ANKRD1: variants seen among roughly 807,000 people sequenced by gnomAD.
The protein encoded by ANKRD1 is ankyrin repeat domain 1.
A neutral mutation model predicts 40.1 loss-of-function variants in ANKRD1; 32 were observed. The ratio of observed to expected loss-of-function variants is 0.80; its 90% CI spans 0.60 to 1.07. The LOEUF (loss-of-function observed/expected upper bound fraction) is 1.07, where lower values mean the gene tolerates loss of function less well. Ranked by LOEUF, ANKRD1 falls within the 50% of genes least tolerant of loss-of-function variation. ANKRD1 has a pLI of 0.00. For synonymous variants in ANKRD1, 149 were observed against 141.2 expected (o/e 1.06, Z -0.39); for missense variants, 359 against 386.0 (o/e 0.93, Z 0.59).
intron 2 of ANKRD1, among the ~76,000 whole-genome samples, chr10:90,919,819 G>A (rs1847415424): frequency 6.6e-6 from 1 of 152,192 alleles, no homozygotes; most frequent in African/African-American, 2.4e-5. Flanking sequence ...ATAGCAGACA[G>A]TTAAACAATG....
At chr10:90,918,068 A>G (rs1847391797) in intron 4 of ANKRD1, among the ~76,000 whole-genome samples, 1 of 152,228 alleles carries the variant, frequency 6.6e-6, no homozygotes, top group Non-Finnish European at 1.5e-5. Flanking sequence ...TACGTTGAGG[A>G]GTGTGAACTT....
In ANKRD1 at chr10:90,920,122, A is replaced by G. The variant is rs1054183083; in HGVS notation, c.207+47T>C. The G allele has an allele frequency of 8.1e-6, 13 of 1,609,574 alleles. No individual in the cohort carries two copies. The East Asian group carries it at 2.5e-4, about 30-fold the overall frequency. On this transcript the variant is annotated intron_variant, in intron 2 of 8. Coordinates refer to ENST00000371697, the MANE Select transcript of ANKRD1 (RefSeq NM_014391.3). ...TCCTTCCCTGACATTTCCATTCCCT[A>G]CCCCAGCCCCAACATCCTACTAGTG... is the stretch of plus-strand genomic sequence containing the variant.
At position 90,912,942 on chromosome 10, in the gene ANKRD1, C is replaced by T; in HGVS notation, c.884G>A (p.Trp295Ter). The T allele has an allele frequency of 6.2e-7, 1 of 1,614,026 alleles. No homozygotes were observed. Among genetic ancestry groups the T allele is most frequent in the Non-Finnish European group, 8.5e-7 (1 of 1,179,936 alleles). ...GKTPMDLVLH[W>*]QNGTKAIFDS... ...GAATATTGCTTTGGTTCCATTCTGC[C>T]AGTGTAGCACCAGATCCATCGGCGT... Residue 295 changes from tryptophan (W) to a stop codon, truncating the protein, a stop_gained, in exon 9 of 9, where the codon TGG becomes TAG. Transcript: ENST00000371697. LOFTEE classifies it high-confidence loss of function.
chr10:90,919,008 A>AG (rs1564574683), intron 3 of ANKRD1, 36 bp from the exon 4 acceptor site: 6 of 1,399,142 alleles, frequency 4.3e-6, no homozygotes, highest in Non-Finnish European at 5.8e-6. Context: ...ATATATATAT[A>AG]TATATATAGC....
chr10:90,920,956 A>G, intron 1 of ANKRD1, 45 bp downstream of exon 1: 1 of 1,586,600 alleles, frequency 6.3e-7, no homozygotes, highest in Non-Finnish European at 8.7e-7. Flanking sequence ...ATAAAAACCA[A>G]GATGAACCAG....
chr10:90,912,716 A>C lies in ANKRD1; in HGVS notation c.*150T>G. The C allele has an allele frequency of 1.3e-6, 1 of 768,210 alleles. No individual in the cohort carries two copies. The highest frequency in any genetic ancestry group is 1.4e-5 in the South Asian group (1 of 70,474). The allele number at this position is 768,210 out of a possible 1,614,324, so 47.6% of individuals were successfully genotyped here. On this transcript the variant is annotated 3_prime_UTR_variant, in exon 9 of 9. Transcript: ENST00000371697. ...TTCACTAAAGGAAATTTAAACACCT[A>C]TAACCCTGTGCTTTCTCAAAACTTC...
rs796121587 is a variant in ANKRD1 at position 90,918,983 on chromosome 10, AATAAATAAAT to A, written c.346-21_346-12del. On this transcript the variant is annotated splice_polypyrimidine_tract_variant and intron_variant, in intron 3 of 8. Transcript: ENST00000371697. ...ATCCACAGGTTCCGTCTAAAGCCAA[AATAAATAAAT>A]ATATATATATATATATATATATAGC... 474 of 1,405,136 alleles carry A rather than the reference AATAAATAAAT, an allele frequency of 3.4e-4. 1 individual carries two copies. The East Asian group carries it at 3.6e-3, about 11-fold the overall frequency. 87.0% of individuals were successfully genotyped at this position (1,405,136 alleles called of 1,614,324 possible).
chr10:90,919,189 C>A lies in ANKRD1; in HGVS notation c.287G>T (p.Arg96Met), dbSNP rs1294402907. ...AACTTTAGTTTTCCTGTATTTTTTCCTTTTCTTCAGTTGAATGATTATTTC... is the reference window on the plus strand; with the variant it reads ...AACTTTAGTTTTCCTGTATTTTTTCATTTTCTTCAGTTGAATGATTATTTC... ...DLEIIIQLKK[R>M]KKYRKTKVPV... is the part of the protein sequence containing the mutation. Residue 96 changes from arginine to methionine, a missense_variant, in exon 3 of 9, where the codon AGG becomes ATG. Physicochemically the swap from Arg to Met is moderately conservative, Grantham distance 91. Transcript: ENST00000371697. 1 of 1,610,880 alleles carries A rather than the reference C, an allele frequency of 6.2e-7. No individual in the cohort carries two copies. The highest frequency in any genetic ancestry group is 8.5e-7 in the Non-Finnish European group (1 of 1,178,802).
chr10:90,913,969 C>A (rs528681304), intron 8 of ANKRD1, among the ~76,000 whole-genome samples: 1 of 152,274 alleles, frequency 6.6e-6, no homozygotes, highest in East Asian at 1.9e-4. Context: ...GACAGCCACA[C>A]ATTGAAGTCA....
In ANKRD1 at chr10:90,918,955, C is replaced by G; in HGVS notation, c.363G>C (p.Val121=). 6.2e-7 allele frequency: 1 copy of G among 1,604,088 alleles called. No homozygotes were observed. The highest frequency in any genetic ancestry group is 8.5e-7 in the Non-Finnish European group (1 of 1,177,726). The part of the protein sequence containing the change: ...EPEIITEPVD[V]PTFLKAALEN... ...CCAGAGCAGCCTTCAGAAACGTAGG[C>G]ACATCCACAGGTTCCGTCTAAAGCC... The change falls in exon 4 of 9, where the codon GTG becomes GTC. Residue 121 remains valine (V), a synonymous_variant. Transcript: ENST00000371697.
intron 8 of ANKRD1, among the ~76,000 whole-genome samples, chr10:90,913,201 C>T (rs569974704): frequency 6.6e-6 from 1 of 152,190 alleles, no homozygotes; most frequent in Admixed American, 6.5e-5. Flanking sequence ...GTGGGACCAT[C>T]CCAGGTATTG....
chr10:90,915,080 G>A (rs1847355445), intron 8 of ANKRD1, among the ~76,000 whole-genome samples: 1 of 152,122 alleles, frequency 6.6e-6, no homozygotes, highest in Admixed American at 6.5e-5. Context: ...AGGAGGAAAG[G>A]GACTTTCTGA....
intron 2 of ANKRD1, 149 bp downstream of exon 2, chr10:90,920,020 G>T: frequency 1.0e-6 from 1 of 1,000,196 alleles, no homozygotes; most frequent in Non-Finnish European, 1.6e-6. Context: ...CCCAAAACCT[G>T]TTCCATACAA....
chr10:90,916,632 G>A (rs991723628), intron 5 of ANKRD1, among the ~76,000 whole-genome samples: 1 of 152,084 alleles, frequency 6.6e-6, no homozygotes. Context: ...GAAAAACCAG[G>A]TTCCAAAAAG....
intron 4 of ANKRD1, 104 bp from the exon 5 acceptor site, chr10:90,917,934 G>T (rs1847389894): frequency 1.1e-6 from 1 of 877,242 alleles, no homozygotes; most frequent in African/African-American, 1.7e-5. Context: ...CTAACTGATA[G>T]AAACTCAAGT....
rs747183057 is a variant in ANKRD1, at chr10:90,920,131, C to G, written c.207+38G>C. On this transcript the variant is annotated intron_variant, in intron 2 of 8. Transcript: ENST00000371697. ...GACATTTCCATTCCCTACCCCAGCC[C>G]CAACATCCTACTAGTGGATTCCACA... 3.7e-6 allele frequency: 6 copies of G among 1,612,072 alleles called. No homozygotes were observed. In the South Asian group the frequency reaches 6.6e-5, roughly 18 times the overall value.
In ANKRD1 at chr10:90,917,714, G is replaced by C. The variant is rs373263720; in HGVS notation, c.552+18C>G. The C allele has an allele frequency of 6.2e-7, 1 of 1,606,994 alleles. No homozygotes were observed. The highest frequency in any genetic ancestry group is 1.1e-5 in the South Asian group (1 of 90,892). ...TCTACTTCTTTTGGCTCATTCCCAA[G>C]CAAAGAAATATATTTACCATATCAC... On this transcript the variant is annotated intron_variant, in intron 5 of 8. Coordinates refer to ENST00000371697, the MANE Select transcript of ANKRD1 (RefSeq NM_014391.3).
In ANKRD1 at chr10:90,917,776, C is replaced by T. The variant is rs770483379; in HGVS notation, c.508G>A (p.Glu170Lys). 6.2e-7 allele frequency: 1 copy of T among 1,614,080 alleles called. No individual in the cohort carries two copies. Among genetic ancestry groups the T allele is most frequent in the Non-Finnish European group, 8.5e-7 (1 of 1,179,964 alleles). Reference protein sequence around the residue: ...ACLEGHLAIVEKLMEAGAQIE... With the variant: ...ACLEGHLAIVKKLMEAGAQIE... ...TGGGCTCCAGCTTCCATTAACTTCT[C>T]CACAATTGCCAAATGTCCTTCCAAG... The change falls in exon 5 of 9, where the codon GAG (glutamate) becomes AAG (lysine). Residue 170 changes from glutamate (E) to lysine (K), a missense_variant. Glu to Lys is a moderately conservative substitution (Grantham distance 56). Coordinates refer to ENST00000371697, the MANE Select transcript of ANKRD1 (RefSeq NM_014391.3).
At chr10:90,920,749 T>C (rs1208701480) in intron 1 of ANKRD1, among the ~76,000 whole-genome samples, 2 of 152,210 alleles carry the variant, frequency 1.3e-5, no homozygotes, top group African/African-American at 2.4e-5. Flanking sequence ...TTTTGATAAC[T>C]ACACGTGATT....
Sources: gnomAD v4.1 joint callset for allele counts (sites outside exome capture counted in the v4.1 genomes callset) on GRCh38, gnomAD v4.1.1 for gene constraint, MANE v1.5 for transcripts, NCBI Gene and HGNC (gene_info 2026-07-23, HGNC 2026-07-21) for gene names.